RAB14: variants seen among roughly 807,000 people sequenced by gnomAD.
RAB14 encodes the protein ras-related protein Rab-14.
RAB14 carries 3 observed loss-of-function variants against 31.1 expected under a neutral mutation model. The ratio of observed to expected loss-of-function variants is 0.10; its 90% confidence interval spans 0.04 to 0.25. RAB14 has a LOEUF of 0.25. RAB14 is among the 10% of genes least tolerant of loss of function. The probability of loss-of-function intolerance (pLI) is 1.00; values close to 1 mark genes in which losing one functional copy is unlikely to be tolerated. For synonymous variants in RAB14, 85 were observed against 84.9 expected (o/e 1.00, Z 0.00); for missense variants, 111 against 260.1 (o/e 0.43, Z 3.94).
rs1369566834 is a variant in RAB14 at position 121,179,207 on chromosome 9, A to T, written c.*2189T>A. 6.6e-6 allele frequency: 1 copy of T among 152,392 alleles called. No homozygotes were observed. Among genetic ancestry groups the T allele is most frequent in the Non-Finnish European group, 1.5e-5 (1 of 68,048 alleles). The allele number at this position is 152,392 out of a possible 1,614,324, so 9.4% of individuals were successfully genotyped here. On this transcript the variant is annotated 3_prime_UTR_variant, in exon 8 of 8. Transcript: ENST00000373840. ...CTCTCTTTATACAATGAATATGGAC[A>T]GTGCTGCAATAAAAACTGATGACAC...
chr9:121,188,950 A>G (rs983429546), intron 4 of RAB14, among the ~76,000 whole-genome samples: 1 of 152,086 alleles, frequency 6.6e-6, no homozygotes, highest in Non-Finnish European at 1.5e-5. Flanking sequence ...GAACTCACTT[A>G]GAAGTCACTC....
intron 4 of RAB14, among the ~76,000 whole-genome samples, chr9:121,188,177 T>G (rs1470209407): frequency 6.6e-6 from 1 of 151,992 alleles, no homozygotes; most frequent in East Asian, 1.9e-4. Flanking sequence ...GTTTTAGAAT[T>G]TTCTAAGTAA....
chr9:121,178,811 C>G lies in RAB14; in HGVS notation c.*2585G>C, dbSNP rs1564317028. 6.6e-6 allele frequency: 1 copy of G among 152,226 alleles called. No individual in the cohort carries two copies. Among genetic ancestry groups the G allele is most frequent in the African/African-American group, 2.4e-5 (1 of 41,460 alleles). 9.4% of individuals were successfully genotyped at this position (152,226 alleles called of 1,614,324 possible). A position where few individuals can be genotyped will look rare whatever the true frequency, so the allele number is the denominator to read the frequency against. ...AAGCACCAATTACTAATCTGAAGGC[C>G]TCCTCACAGGTCCAAGGGCAATGAG... On this transcript the variant is annotated 3_prime_UTR_variant, in exon 8 of 8. Transcript: ENST00000373840.
chr9:121,194,067 C>T (rs2053700816), intron 1 of RAB14, among the ~76,000 whole-genome samples: 1 of 148,514 alleles, frequency 6.7e-6, no homozygotes, highest in Non-Finnish European at 1.5e-5. Context: ...TATAGCTCAA[C>T]CTAATACAGG....
rs1343607582 is a variant in RAB14, at chr9:121,178,990, C to T, written c.*2406G>A. The stretch of plus-strand genomic sequence containing the variant: ...TATTTGTGAGCACCTGAGTGTATTA[C>T]AGGGGATTACACATGCATATGATAG... On this transcript the variant is annotated 3_prime_UTR_variant, in exon 8 of 8. Transcript: ENST00000373840. 2 of 152,190 alleles carry T rather than the reference C, an allele frequency of 1.3e-5. No individual in the cohort carries two copies. The highest frequency in any genetic ancestry group is 6.5e-5 in the Admixed American group (1 of 15,274). The allele number at this position is 152,190 out of a possible 1,614,324, so 9.4% of individuals were successfully genotyped here.
intron 1 of RAB14, among the ~76,000 whole-genome samples, chr9:121,198,344 T>C (rs933184447): frequency 3.9e-5 from 6 of 152,244 alleles, no homozygotes; most frequent in South Asian, 4.1e-4. Flanking sequence ...AATAATACGA[T>C]TGGGTTCAAA....
chr9:121,192,941 A>C (rs991955632), intron 2 of RAB14, among the ~76,000 whole-genome samples: 3 of 152,148 alleles, frequency 2.0e-5, no homozygotes, highest in African/African-American at 7.2e-5. Context: ...AACACCAATT[A>C]AGAAAAATAC....
In RAB14 at chr9:121,187,454, AAATTTT is replaced by A. The variant is rs528468800; in HGVS notation, c.285-441_285-436del. ...ATGGAAGACACTTTTGCTTGTCTTT[AAATTTT>A]AATTTCATTAAAAACCAAGTCACAC... is the stretch of plus-strand genomic sequence containing the variant. On this transcript the variant is annotated intron_variant, in intron 4 of 7. Transcript: ENST00000373840. Among the ~76,000 whole-genome samples, 737 of 152,214 alleles carry A rather than the reference AAATTTT, an allele frequency of 4.8e-3. 8 individuals carry two copies. Among genetic ancestry groups the A allele is most frequent in the African/African-American group, 0.017 (707 of 41,572 alleles).
intron 2 of RAB14, 72 bp downstream of exon 2, chr9:121,193,289 A>T: frequency 9.9e-7 from 1 of 1,009,018 alleles, no homozygotes; most frequent in Non-Finnish European, 1.5e-6. Flanking sequence ...GGTACTGTTT[A>T]AGTATTAACA....
At chr9:121,183,227 CA>C (rs3215744) in intron 6 of RAB14, 83 bp downstream of exon 6, 77 of 1,084,498 alleles carry the variant, frequency 7.1e-5, no homozygotes, top group African/African-American at 1.9e-4. Flanking sequence ...AAAAAAAATG[CA>C]AAAAAAAACC....
chr9:121,196,540 AG>A (rs2053718005), intron 1 of RAB14, among the ~76,000 whole-genome samples: 2 of 152,138 alleles, frequency 1.3e-5, no homozygotes, highest in Non-Finnish European at 2.9e-5. Context: ...CAGACTCAAG[AG>A]GTAACATGCC....
At chr9:121,199,674 A>G (rs919138272) in intron 1 of RAB14, among the ~76,000 whole-genome samples, 1 of 152,244 alleles carries the variant, frequency 6.6e-6, no homozygotes, top group Non-Finnish European at 1.5e-5. Flanking sequence ...ATGTAGCTTT[A>G]ATTTCAAGGG....
In RAB14 at chr9:121,182,610, C is replaced by T. The variant is rs1171648343; in HGVS notation, c.470+320G>A. 5.9e-5 allele frequency among the ~76,000 whole-genome samples: 9 copies of T among 152,212 alleles called. No individual in the cohort carries two copies. In the East Asian group the frequency reaches 1.7e-3, roughly 29 times the overall value. On this transcript the variant is annotated intron_variant, in intron 7 of 7. Coordinates refer to ENST00000373840, the MANE Select transcript of RAB14 (RefSeq NM_016322.4). ...GACCAAGCTTGTCTGAGATGCCAAA[C>T]TCAACCTCACTTGTGAAAAGTCAAA...
At chr9:121,185,939 C>T (rs915130736) in intron 5 of RAB14, among the ~76,000 whole-genome samples, 15 of 152,118 alleles carry the variant, frequency 9.9e-5, no homozygotes, top group African/African-American at 3.6e-4. Context: ...GTTTCAGGCA[C>T]AGTCCCTAGC....
In RAB14 at chr9:121,186,836, A is replaced by G. The variant is rs1400315978; in HGVS notation, c.351+117T>C. 26 of 555,440 alleles carry G rather than the reference A, an allele frequency of 4.7e-5. No individual in the cohort carries two copies. The South Asian group carries it at 9.7e-4, about 21-fold the overall frequency. 34.4% of individuals were successfully genotyped at this position (555,440 alleles called of 1,614,324 possible). A position where few individuals can be genotyped will look rare whatever the true frequency, so the allele number is the denominator to read the frequency against. On this transcript the variant is annotated intron_variant, in intron 5 of 7. Coordinates refer to ENST00000373840, the MANE Select transcript of RAB14 (RefSeq NM_016322.4). ...TTTCTTCAACTAATTGAAGAATACA[A>G]TAAAAATTCTCTCATTCTTAGTACC... is the stretch of plus-strand genomic sequence containing the variant.
At chr9:121,195,509 G>C (rs778025384) in intron 1 of RAB14, among the ~76,000 whole-genome samples, 2 of 151,998 alleles carry the variant, frequency 1.3e-5, no homozygotes, top group East Asian at 3.8e-4. Context: ...CCCAATTTTA[G>C]TTGTACTAAT....
At chr9:121,183,530 T>C (rs1170907165) in intron 5 of RAB14, 132 bp from the exon 6 acceptor site, 1 of 655,750 alleles carries the variant, frequency 1.5e-6, no homozygotes, top group African/African-American at 1.8e-5. Flanking sequence ...TACTAGCAAT[T>C]ATCCACTAGA....
intron 5 of RAB14, among the ~76,000 whole-genome samples, chr9:121,184,679 T>C (rs2053650266): frequency 6.6e-6 from 1 of 152,226 alleles, no homozygotes; most frequent in Non-Finnish European, 1.5e-5. Flanking sequence ...TATCTGAATG[T>C]AAACCTCATG....
chr9:121,191,566 A>G (rs1219638442), intron 3 of RAB14, among the ~76,000 whole-genome samples: 1 of 152,180 alleles, frequency 6.6e-6, no homozygotes, highest in Admixed American at 6.6e-5. Flanking sequence ...TAACAAATTT[A>G]TTAGTCCTTT....
Sources: allele counts gnomAD v4.1 joint callset (sites outside exome capture counted in the v4.1 genomes callset), GRCh38; gene constraint gnomAD v4.1.1; transcripts MANE v1.5; gene names NCBI Gene and HGNC (gene_info 2026-07-23, HGNC 2026-07-21).